SLC7A13: variants seen among roughly 807,000 people sequenced by gnomAD.
SLC7A13 encodes the protein solute carrier family 7 member 13, also known as X-amino acid transporter 2.
SLC7A13 carries 31 observed loss-of-function variants against 32.0 expected under a neutral mutation model. The observed-to-expected ratio is 0.97, with a 90% CI of 0.73 to 1.31. SLC7A13 has a LOEUF of 1.31. SLC7A13 is among the 50% of genes most tolerant of loss of function. The pLI is 0.00. For missense variants in SLC7A13, 633 were observed against 546.9 expected (o/e 1.16, Z -1.57); for synonymous variants, 232 against 206.9 (o/e 1.12, Z -1.04).
At chr8:86,225,045 T>G (rs1820366576) in intron 1 of SLC7A13, among the ~76,000 whole-genome samples, 1 of 152,158 alleles carries the variant, frequency 6.6e-6, no homozygotes, top group Non-Finnish European at 1.5e-5. Context: ...TATTTTTTGT[T>G]GCTTCCTAAG....
At chr8:86,221,029 CT>C (rs1351147816) in intron 2 of SLC7A13, among the ~76,000 whole-genome samples, 2 of 150,948 alleles carry the variant, frequency 1.3e-5, no homozygotes, top group African/African-American at 2.4e-5. Flanking sequence ...TTGCTTATAA[CT>C]TTCCCCCTTA....
At chr8:86,228,249 G>A (rs761674836) in intron 1 of SLC7A13, among the ~76,000 whole-genome samples, 22 of 152,180 alleles carry the variant, frequency 1.4e-4, no homozygotes, top group African/African-American at 3.1e-4. Context: ...CTGAACTGCT[G>A]GAGAATTTCC....
At position 86,214,388 on chromosome 8, in the gene SLC7A13, T is replaced by A; in HGVS notation, c.*25A>T. The A allele has an allele frequency of 6.8e-7, 1 of 1,475,744 alleles. No individual in the cohort carries two copies. The highest frequency in any genetic ancestry group is 9.2e-7 in the Non-Finnish European group (1 of 1,081,112). The allele number at this position is 1,475,744 out of a possible 1,614,324, so 91.4% of individuals were successfully genotyped here. ...ATATATGTTTTTTAGAAGGCCAATTTTTTAAGAGTTTGCACTTCCGACATC... is the reference window on the plus strand; with the variant it reads ...ATATATGTTTTTTAGAAGGCCAATTATTTAAGAGTTTGCACTTCCGACATC... On this transcript the variant is annotated 3_prime_UTR_variant, in exon 4 of 4. Transcript: ENST00000297524.
At chr8:86,222,891 C>A in intron 2 of SLC7A13, 81 bp downstream of exon 2, 1 of 1,330,204 alleles carries the variant, frequency 7.5e-7, no homozygotes, top group South Asian at 2.0e-5. Flanking sequence ...GAACAGTAAA[C>A]AGTGGTTCTG....
intron 2 of SLC7A13, among the ~76,000 whole-genome samples, chr8:86,218,146 A>G (rs978633808): frequency 6.6e-6 from 1 of 152,228 alleles, no homozygotes; most frequent in African/African-American, 2.4e-5. Context: ...ACAGACATCC[A>G]GTAGGCTTTC....
chr8:86,214,657 C>A lies in SLC7A13; in HGVS notation c.1180-11G>T. 2 of 1,582,142 alleles carry A rather than the reference C, an allele frequency of 1.3e-6. No individual in the cohort carries two copies. The highest frequency in any genetic ancestry group is 8.6e-7 in the Non-Finnish European group (1 of 1,163,238). ...AAATGACAAAAACACCTGAAAAGAG[C>A]AAAGTTTGAAAAAATATTGGATATG... On this transcript the variant is annotated splice_polypyrimidine_tract_variant and intron_variant, in intron 3 of 3. Coordinates refer to ENST00000297524, the MANE Select transcript of SLC7A13 (RefSeq NM_138817.3).
At position 86,223,028 on chromosome 8, in the gene SLC7A13, A is replaced by G. The variant is rs747442810; in HGVS notation, c.761T>C (p.Leu254Ser). ...TALPLVTVVY[L>S]LVNISYLTVL... is the part of the protein sequence containing the mutation. ...AGTCAGATAGGAAATGTTAACCAGT[A>G]AATAAACTACAGTCACCAGAGGTAA... The change falls in exon 2 of 4, where the codon TTA becomes TCA. Residue 254 changes from leucine to serine, a missense_variant. Leu to Ser is a moderately radical substitution (Grantham distance 145). Coordinates refer to ENST00000297524, the MANE Select transcript of SLC7A13 (RefSeq NM_138817.3). The G allele has an allele frequency of 3.7e-6, 6 of 1,609,234 alleles. No individual in the cohort carries two copies. Among genetic ancestry groups the G allele is most frequent in the Non-Finnish European group, 5.1e-6 (6 of 1,177,712 alleles).
intron 3 of SLC7A13, among the ~76,000 whole-genome samples, chr8:86,216,228 A>C (rs951864282): frequency 6.6e-6 from 1 of 152,228 alleles, no homozygotes; most frequent in African/African-American, 2.4e-5. Context: ...AGACATGTTA[A>C]AAAGATGCAG....
chr8:86,220,856 T>C (rs1389669467), intron 2 of SLC7A13, among the ~76,000 whole-genome samples: 1 of 151,956 alleles, frequency 6.6e-6, no homozygotes. Context: ...TAGCCAGGTG[T>C]GGTGACCCAT....
intron 2 of SLC7A13, among the ~76,000 whole-genome samples, chr8:86,218,513 T>C (rs1028288828): frequency 1.4e-4 from 21 of 152,150 alleles, no homozygotes; most frequent in African/African-American, 4.6e-4. Flanking sequence ...AGGAGGTTGC[T>C]GCTGGTGTCT....
intron 1 of SLC7A13, among the ~76,000 whole-genome samples, chr8:86,226,431 A>C (rs995955347): frequency 6.6e-6 from 1 of 152,174 alleles, no homozygotes. Flanking sequence ...TACATTATCA[A>C]TGATGGCGCT....
intron 1 of SLC7A13, among the ~76,000 whole-genome samples, chr8:86,227,493 G>A (rs1820407937): frequency 1.3e-5 from 2 of 152,184 alleles, no homozygotes; most frequent in African/African-American, 4.8e-5. Flanking sequence ...GAGCAATCTA[G>A]AATATCTATG....
intron 2 of SLC7A13, among the ~76,000 whole-genome samples, chr8:86,218,944 T>G (rs998516014): frequency 6.6e-6 from 1 of 152,114 alleles, no homozygotes; most frequent in African/African-American, 2.4e-5. Flanking sequence ...TTTTGGGACA[T>G]CAACATACTG....
chr8:86,221,425 C>T (rs938299513), intron 2 of SLC7A13, among the ~76,000 whole-genome samples: 2 of 151,986 alleles, frequency 1.3e-5, no homozygotes, highest in Non-Finnish European at 2.9e-5. Flanking sequence ...ATTTCTTGTA[C>T]AATAAACACG....
intron 3 of SLC7A13, among the ~76,000 whole-genome samples, chr8:86,215,281 G>T (rs1415830180): frequency 2.0e-5 from 3 of 152,014 alleles, no homozygotes; most frequent in Non-Finnish European, 4.4e-5. Flanking sequence ...ATCGATATAA[G>T]ATATAACTGA....
intron 1 of SLC7A13, 31 bp from the exon 2 acceptor site, chr8:86,223,134 T>G: frequency 6.5e-7 from 1 of 1,528,332 alleles, no homozygotes. Context: ...CAACCATAAT[T>G]GGTAAACATT....
chr8:86,216,925 T>C (rs1004756061), intron 3 of SLC7A13, among the ~76,000 whole-genome samples: 1 of 152,248 alleles, frequency 6.6e-6, no homozygotes, highest in South Asian at 2.1e-4. Flanking sequence ...AACGTTCTTA[T>C]GCTACCAAGT....
intron 1 of SLC7A13, among the ~76,000 whole-genome samples, chr8:86,228,401 G>T (rs990508151): frequency 1.3e-5 from 2 of 152,196 alleles, no homozygotes; most frequent in African/African-American, 2.4e-5. Flanking sequence ...TTGAGACAGG[G>T]TCTCACTCTG....
At position 86,223,086 on chromosome 8, in the gene SLC7A13, TG is replaced by T; in HGVS notation, c.702del (p.Arg235GlufsTer15). 2 of 1,601,712 alleles carry T rather than the reference TG, an allele frequency of 1.2e-6. No individual in the cohort carries two copies. The highest frequency in any genetic ancestry group is 1.7e-6 in the Non-Finnish European group (2 of 1,174,310). On this transcript the variant is annotated frameshift_variant, in exon 2 of 4. Transcript: ENST00000297524. LOFTEE classifies it high-confidence loss of function. ...AATATGCATTTGGGAATTGTTGTTC[TG>T]GGCTTCTTCAGCTCCCCTATAACAC... ...FTLIAGELKKPRTTIPKCIFT... is the reference protein window; with the variant it reads ...FTLIAGELKKXRTTIPKCIFT...
Sources: allele counts gnomAD v4.1 joint callset (sites outside exome capture counted in the v4.1 genomes callset), GRCh38; gene constraint gnomAD v4.1.1; transcripts MANE v1.5; gene names NCBI Gene and HGNC (gene_info 2026-07-23, HGNC 2026-07-21).